LUZP1: variants seen among roughly 807,000 people sequenced by gnomAD.
LUZP1 encodes the protein leucine zipper protein 1.
A neutral mutation model predicts 71.3 loss-of-function variants in LUZP1; 25 were observed. The ratio of observed to expected loss-of-function variants is 0.35; its 90% CI spans 0.26 to 0.49. The LOEUF is 0.49. Ranked by LOEUF, LUZP1 falls within the 20% of genes least tolerant of loss-of-function variation. The pLI is 0.99. For missense variants in LUZP1, 1,142 were observed against 1,300.8 expected (o/e 0.88, Z 1.88); for synonymous variants, 481 against 506.4 (o/e 0.95, Z 0.67).
chr1:23,108,270 C>T (rs1447646436), intron 3 of LUZP1, among the ~76,000 whole-genome samples: 2 of 152,170 alleles, frequency 1.3e-5, no homozygotes, highest in Non-Finnish European at 2.9e-5. Flanking sequence ...TCAGTCACAG[C>T]CTCAACCAAA....
chr1:23,133,334 C>T (rs1644229111), intron 2 of LUZP1: 1 of 152,174 alleles, frequency 6.6e-6, no homozygotes, highest in African/African-American at 2.4e-5. Context: ...ATAATTGATT[C>T]AAGCTAAGAT....
chr1:23,117,527 G>GC (rs1644094898), intron 2 of LUZP1, among the ~76,000 whole-genome samples: 7 of 118,540 alleles, frequency 5.9e-5, no homozygotes, highest in African/African-American at 1.0e-4. Flanking sequence ...GGCGGGGGGG[G>GC]GGAACACCTT....
chr1:23,101,159 T>C (rs1213689021), intron 3 of LUZP1, among the ~76,000 whole-genome samples: 1 of 152,244 alleles, frequency 6.6e-6, no homozygotes. Context: ...ATATACATGA[T>C]TTCTGCAGGT....
chr1:23,128,022 T>C (rs1644185798), intron 2 of LUZP1, among the ~76,000 whole-genome samples: 1 of 151,882 alleles, frequency 6.6e-6, no homozygotes, highest in African/African-American at 2.4e-5. Context: ...TCCCAGCTAC[T>C]CGGGAGGCTG....
intron 2 of LUZP1, among the ~76,000 whole-genome samples, chr1:23,149,292 A>G (rs1452800546): frequency 6.6e-6 from 1 of 152,008 alleles, no homozygotes; most frequent in African/African-American, 2.4e-5. Flanking sequence ...TTATTTACTT[A>G]AAAGTCCACA....
rs761591563 is a variant in LUZP1, at chr1:23,093,341, C to T, written c.921G>A (p.Ser307=). Residue 307 remains serine, a synonymous_variant, in exon 4 of 5, where the codon TCG becomes TCA. Coordinates refer to ENST00000302291, the Ensembl canonical transcript of LUZP1. This position sits in a 1 kb window ranked among gnomAD's most constrained non-coding sequence, Gnocchi z 4.2. ...TCATTTTCTTAAGCTCTTCTTCCAA[C>T]GATTCAAAGTGTTTGATTTGTGTCT... 1.2e-5 allele frequency: 19 copies of T among 1,612,018 alleles called. No homozygotes were observed. The highest frequency in any genetic ancestry group is 1.0e-4 in the Admixed American group (6 of 59,552).
exon 4 of LUZP1, chr1:23,092,060 A>G (rs1171300880): frequency 6.8e-6 from 11 of 1,613,910 alleles, no homozygotes; most frequent in Non-Finnish European, 9.3e-6. Context: ...CCCCAGCACC[A>G]TTGGTATCTG....
At chr1:23,167,980 G>A (rs983676523) in intron 2 of LUZP1, among the ~76,000 whole-genome samples, 1 of 151,342 alleles carries the variant, frequency 6.6e-6, no homozygotes. Flanking sequence ...CCCGCTCGCC[G>A]GCGTCCCCCT....
intron 2 of LUZP1, among the ~76,000 whole-genome samples, chr1:23,144,506 A>T (rs1003791660): frequency 6.6e-6 from 1 of 152,238 alleles, no homozygotes; most frequent in Non-Finnish European, 1.5e-5. Context: ...CCAACAGATC[A>T]TACTGGTAGC....
intron 2 of LUZP1, among the ~76,000 whole-genome samples, chr1:23,161,942 CT>C (rs1425306669): frequency 2.1e-5 from 3 of 143,844 alleles, no homozygotes; most frequent in Non-Finnish European, 4.5e-5. Context: ...CGGAGAACGG[CT>C]TGAACCCAGG....
chr1:23,089,976 T>C (rs1385561066), intron 4 of LUZP1, among the ~76,000 whole-genome samples: 1 of 152,192 alleles, frequency 6.6e-6, no homozygotes, highest in Admixed American at 6.5e-5. Context: ...TCCAGGCTGG[T>C]CTTGAACTCC....
intron 2 of LUZP1, among the ~76,000 whole-genome samples, chr1:23,126,076 G>A (rs910853575): frequency 1.3e-5 from 2 of 152,202 alleles, no homozygotes; most frequent in Admixed American, 6.5e-5. Flanking sequence ...ACTGTGAAGT[G>A]TGTATGGGAG....
chr1:23,128,323 A>G (rs1644188688), intron 2 of LUZP1, among the ~76,000 whole-genome samples: 1 of 152,204 alleles, frequency 6.6e-6, no homozygotes, highest in Non-Finnish European at 1.5e-5. Flanking sequence ...AAAGCAGCAT[A>G]GCTTAGTGTA....
intron 2 of LUZP1, among the ~76,000 whole-genome samples, chr1:23,125,711 C>T (rs1644166984): frequency 6.6e-6 from 1 of 152,126 alleles, no homozygotes; most frequent in South Asian, 2.1e-4. Flanking sequence ...CTCATCGACA[C>T]ATCTTAACAT....
chr1:23,117,491 CA>C (rs1470504890), intron 2 of LUZP1, among the ~76,000 whole-genome samples: 1,567 of 37,210 alleles, frequency 0.042, 31 homozygotes, highest in African/African-American at 0.049. Flanking sequence ...CCCCCCCCCC[CA>C]CAATCAGGAA....
chr1:23,131,172 T>C (rs766274821), intron 2 of LUZP1, among the ~76,000 whole-genome samples: 7 of 114,978 alleles, frequency 6.1e-5, no homozygotes, highest in Non-Finnish European at 8.1e-5. Flanking sequence ...TGAGCTGAGA[T>C]CAACCCCACT....
At chr1:23,101,606 T>G (rs1643932161) in intron 3 of LUZP1, among the ~76,000 whole-genome samples, 1 of 152,200 alleles carries the variant, frequency 6.6e-6, no homozygotes, top group South Asian at 2.1e-4. Context: ...GTAAGTTTCA[T>G]CAGGGAAAAT....
Position 23,090,686 on chromosome 1 carries a change from A to ATTAC in LUZP1, c.3072+503_3072+504insGTAA. On this transcript the variant is annotated intron_variant, in intron 4 of 4. Coordinates refer to ENST00000302291, the Ensembl canonical transcript of LUZP1. ...GCTTATCTAAAATAGGCCCAGTGTA[A>ATTAC]GCCCCGGCTCTCCTCATCCCTGAGA... 6.6e-6 allele frequency: 4 copies of ATTAC among 605,088 alleles called. No individual in the cohort carries two copies. The South Asian group carries it at 8.0e-5, about 12-fold the overall frequency. The allele number at this position is 605,088 out of a possible 1,614,324, so 37.5% of individuals were successfully genotyped here.
chr1:23,163,256 A>G (rs1484844722), intron 2 of LUZP1, among the ~76,000 whole-genome samples: 1 of 151,132 alleles, frequency 6.6e-6, no homozygotes, highest in Non-Finnish European at 1.5e-5. Context: ...AAAAAAAAAA[A>G]AAGCATGTTG....
Sources: gnomAD v4.1 joint callset for allele counts (sites outside exome capture counted in the v4.1 genomes callset) on GRCh38, gnomAD v4.1.1 for gene constraint, Gnocchi (gnomAD v3.1) non-coding constraint, MANE v1.5 for transcripts, NCBI Gene and HGNC (gene_info 2026-07-23, HGNC 2026-07-21) for gene names.